HDAC1: variants seen among roughly 807,000 people sequenced by gnomAD.
HDAC1 encodes the protein histone deacetylase 1.
HDAC1 carries 18 observed loss-of-function variants against 65.5 expected under a neutral mutation model. The observed-to-expected ratio is 0.27, with a 90% CI of 0.19 to 0.41. The LOEUF (loss-of-function observed/expected upper bound fraction) is 0.41, where lower values mean the gene tolerates loss of function less well. Ranked by LOEUF, HDAC1 falls within the 10% of genes least tolerant of loss-of-function variation. The pLI, the probability that HDAC1 is intolerant of heterozygous loss-of-function variation, is 1.00. For synonymous variants in HDAC1, 211 were observed against 227.9 expected, an observed-to-expected ratio of 0.93 and a Z score of 0.67; for missense variants, 373 against 625.2, an observed-to-expected ratio of 0.60 and a Z score of 4.30.
rs1641263378 is a variant in HDAC1 at position 32,329,516 on chromosome 1, G to GT, written c.729+357dup. On this transcript the variant is annotated intron_variant, in intron 7 of 13. Coordinates refer to ENST00000373548, the MANE Select transcript of HDAC1 (RefSeq NM_004964.3). The surrounding 1 kb of genome is among the most constrained non-coding windows in gnomAD (Gnocchi z 4.1). ...AGATTATTGTGTTCTTTTGGTAGTG[G>GT]TATGTCTCCTTGGTTTTTTGTGTTC... 1 of 343,106 alleles carries GT rather than the reference G, an allele frequency of 2.9e-6. No homozygotes were observed. Among genetic ancestry groups the GT allele is most frequent in the Admixed American group, 4.1e-5 (1 of 24,112 alleles). 21.3% of individuals were successfully genotyped at this position (343,106 alleles called of 1,614,324 possible).
intron 2 of HDAC1, 137 bp downstream of exon 2, chr1:32,302,870 T>C (rs1341778210): frequency 9.7e-6 from 6 of 618,170 alleles, no homozygotes; most frequent in African/African-American, 1.8e-5. Context: ...AGGCAGGTAC[T>C]GTAAATGATA....
At position 32,305,628 on chromosome 1, in the gene HDAC1, T is replaced by C. The variant is rs1447244518; in HGVS notation, c.162+2895T>C. ...TGTCTTTTTTTTTTTTTTTTTTCCCTGAGACAATGTCTCACTCTGGCACTC... is the reference window on the plus strand; with the variant it reads ...TGTCTTTTTTTTTTTTTTTTTTCCCCGAGACAATGTCTCACTCTGGCACTC... On this transcript the variant is annotated intron_variant, in intron 2 of 13. Transcript: ENST00000373548. 2.0e-5 allele frequency among the ~76,000 whole-genome samples: 3 copies of C among 148,954 alleles called. No individual in the cohort carries two copies. The East Asian group carries it at 6.0e-4, about 30-fold the overall frequency.
rs1641276192 is a variant in HDAC1, at chr1:32,330,463, C to T, written c.730-115C>T. ...GCACTCCCTTTTCTCTCCCACATAGCATGAGGGAGAGTGGAAAGGTAGGAG... is the reference window on the plus strand; with the variant it reads ...GCACTCCCTTTTCTCTCCCACATAGTATGAGGGAGAGTGGAAAGGTAGGAG... On this transcript the variant is annotated intron_variant, in intron 7 of 13. Coordinates refer to ENST00000373548, the MANE Select transcript of HDAC1 (RefSeq NM_004964.3). This position sits in a 1 kb window ranked among gnomAD's most constrained non-coding sequence, Gnocchi z 4.2. 1 of 758,198 alleles carries T rather than the reference C, an allele frequency of 1.3e-6. No homozygotes were observed. Among genetic ancestry groups the T allele is most frequent in the African/African-American group, 1.7e-5 (1 of 58,870 alleles). The allele number at this position is 758,198 out of a possible 1,614,324, so 47.0% of individuals were successfully genotyped here.
intron 12 of HDAC1, 125 bp downstream of exon 12, chr1:32,332,367 G>A (rs1641305174): frequency 2.2e-6 from 2 of 893,322 alleles, no homozygotes; most frequent in Non-Finnish European, 3.5e-6. Context: ...AGTTCCTTGA[G>A]CCTTTCAGTG....
intron 3 of HDAC1, among the ~76,000 whole-genome samples, chr1:32,320,021 A>G (rs1248154446): frequency 1.3e-5 from 2 of 152,026 alleles, no homozygotes; most frequent in Non-Finnish European, 2.9e-5. Flanking sequence ...TCGAGACACC[A>G]TCCTGGCTAA....
At chr1:32,308,165 C>T (rs1433316708) in intron 2 of HDAC1, among the ~76,000 whole-genome samples, 1 of 150,770 alleles carries the variant, frequency 6.6e-6, no homozygotes, top group Non-Finnish European at 1.5e-5. Context: ...ACTAAAAATA[C>T]AAAATTAGCT....
intron 1 of HDAC1, among the ~76,000 whole-genome samples, chr1:32,301,277 T>C (rs1479986209): frequency 6.6e-6 from 1 of 151,802 alleles, no homozygotes; most frequent in African/African-American, 2.4e-5. Context: ...AAACCCCGTC[T>C]GTACTAAAAA....
intron 3 of HDAC1, among the ~76,000 whole-genome samples, chr1:32,321,884 C>T (rs1206802979): frequency 2.0e-5 from 3 of 152,110 alleles, no homozygotes; most frequent in African/African-American, 7.2e-5. Context: ...AATGGATAAA[C>T]AGCCGGGGCC....
At chr1:32,311,511 T>C (rs552139895) in intron 2 of HDAC1, among the ~76,000 whole-genome samples, 1 of 151,692 alleles carries the variant, frequency 6.6e-6, no homozygotes, top group East Asian at 1.9e-4. Context: ...CTTGAACAAC[T>C]AGGTGGTTGG....
At chr1:32,332,009 C>A (rs540939629) in intron 11 of HDAC1, 81 bp from the exon 12 acceptor site, 1 of 1,454,366 alleles carries the variant, frequency 6.9e-7, no homozygotes, top group Non-Finnish European at 9.1e-7. Context: ...TTGGAGGACA[C>A]GCAGGGAAGC....
intron 2 of HDAC1, among the ~76,000 whole-genome samples, chr1:32,314,578 G>C (rs1641032920): frequency 1.3e-5 from 2 of 152,058 alleles, no homozygotes; most frequent in African/African-American, 2.4e-5. Flanking sequence ...TGTAATCCCA[G>C]CACTTTGGGA....
chr1:32,316,100 G>A (rs1215237330), intron 2 of HDAC1, among the ~76,000 whole-genome samples: 4 of 152,000 alleles, frequency 2.6e-5, no homozygotes, highest in Admixed American at 2.0e-4. Flanking sequence ...AGCTAACACG[G>A]TGAAACCCTG....
In HDAC1 at chr1:32,331,708, C is replaced by T. The variant is rs1468701423; in HGVS notation, c.1121C>T (p.Pro374Leu). 6.2e-7 allele frequency: 1 copy of T among 1,614,036 alleles called. No homozygotes were observed. Among genetic ancestry groups the T allele is most frequent in the Non-Finnish European group, 8.5e-7 (1 of 1,179,954 alleles). ...QRLFENLRMLPHAPGVQMQAI... is the reference protein window; with the variant it reads ...QRLFENLRMLLHAPGVQMQAI... ...CTGTTTGAGAACCTTAGAATGCTGC[C>T]GCACGCACCTGGGGTCCAAATGCAG... is the stretch of plus-strand genomic sequence containing the variant. Residue 374 changes from proline to leucine, a missense_variant, in exon 11 of 14, where the codon CCG becomes CTG. Pro to Leu is a moderately conservative substitution (Grantham distance 98). Transcript: ENST00000373548. This position sits in a 1 kb window ranked among gnomAD's most constrained non-coding sequence, Gnocchi z 4.2.
chr1:32,313,644 C>G (rs1274734198), intron 2 of HDAC1, among the ~76,000 whole-genome samples: 1 of 152,198 alleles, frequency 6.6e-6, no homozygotes, highest in African/African-American at 2.4e-5. Context: ...AACATCACTT[C>G]GCTCAGCATC....
chr1:32,316,757 G>A lies in HDAC1; in HGVS notation c.255G>A (p.Ser85=), dbSNP rs147494060. 2.4e-5 allele frequency: 39 copies of A among 1,610,856 alleles called. No individual in the cohort carries two copies. In the African/African-American group the frequency reaches 4.1e-4, roughly 17 times the overall value. ...FLRSIRPDNM[S]EYSKQMQRFN... ...GCTCCATCCGTCCAGATAACATGTC[G>A]GAGTACAGCAAGCAGATGCAGAGAT... is the stretch of plus-strand genomic sequence containing the variant. Residue 85 remains serine, a synonymous_variant, in exon 3 of 14, where the codon TCG becomes TCA. Transcript: ENST00000373548.
At chr1:32,301,432 C>T (rs754942865) in intron 1 of HDAC1, among the ~76,000 whole-genome samples, 9 of 148,700 alleles carry the variant, frequency 6.1e-5, no homozygotes, top group African/African-American at 2.2e-4. Context: ...GGCAACACAG[C>T]GAGACTCTGT....
chr1:32,330,325 T>G lies in HDAC1; in HGVS notation c.730-253T>G, dbSNP rs1285335683. ...TGGGCAACAGAAGAGACTTAGGGAG[T>G]TGAGAGGGAGGCCATTCTAGGTTCA... On this transcript the variant is annotated intron_variant, in intron 7 of 13. Coordinates refer to ENST00000373548, the MANE Select transcript of HDAC1 (RefSeq NM_004964.3). The surrounding 1 kb of genome is among the most constrained non-coding windows in gnomAD (Gnocchi z 4.2). 4 of 447,638 alleles carry G rather than the reference T, an allele frequency of 8.9e-6. No homozygotes were observed. Among genetic ancestry groups the G allele is most frequent in the South Asian group, 2.4e-5 (1 of 41,628 alleles). The allele number at this position is 447,638 out of a possible 1,614,324, so 27.7% of individuals were successfully genotyped here.
rs370468099 is a variant in HDAC1 at position 32,318,724 on chromosome 1, A to G, written c.280+1942A>G. Among the ~76,000 whole-genome samples the G allele has an allele frequency of 9.2e-5, 14 of 152,310 alleles. No individual in the cohort carries two copies. The East Asian group carries it at 2.5e-3, about 27-fold the overall frequency. ...TGACTTACTATTTTTATTATTTACAAACTTATCAAGGCAGACAAAATGCTA... is the reference window on the plus strand; with the variant it reads ...TGACTTACTATTTTTATTATTTACAGACTTATCAAGGCAGACAAAATGCTA... On this transcript the variant is annotated intron_variant, in intron 3 of 13. Coordinates refer to ENST00000373548, the MANE Select transcript of HDAC1 (RefSeq NM_004964.3).
Position 32,293,485 on chromosome 1 carries a change from G to T in HDAC1, c.49+1267G>T, listed in dbSNP as rs565377251. ...TACCTTAGAAATTAAAGTAATGGGG[G>T]CCAGGTGCAGTGGCTCACACCTCTC... On this transcript the variant is annotated intron_variant, in intron 1 of 13. Transcript: ENST00000373548. Among the ~76,000 whole-genome samples, 8 of 152,108 alleles carry T rather than the reference G, an allele frequency of 5.3e-5. No individual in the cohort carries two copies. In the East Asian group the frequency reaches 1.6e-3, roughly 30 times the overall value.
Sources: allele counts gnomAD v4.1 joint callset (sites outside exome capture counted in the v4.1 genomes callset), GRCh38; gene constraint gnomAD v4.1.1; non-coding constraint Gnocchi (gnomAD v3.1); transcripts MANE v1.5; gene names NCBI Gene and HGNC (gene_info 2026-07-23, HGNC 2026-07-21).